ZNF138: variants seen among roughly 807,000 people sequenced by gnomAD.
ZNF138 encodes the protein zinc finger protein 138 (clone pHZ-32).
Under a neutral mutation model 33.0 loss-of-function variants are expected in ZNF138, and 33 were observed. The ratio of observed to expected loss-of-function variants is 1.00; its 90% CI spans 0.76 to 1.34. ZNF138 has a LOEUF of 1.34. Ranked by LOEUF, ZNF138 falls within the 40% of genes most tolerant of loss-of-function variation. ZNF138 has a pLI of 0.00. For missense variants in ZNF138, 360 were observed against 370.8 expected (o/e 0.97, Z 0.24); for synonymous variants, 139 against 120.4 (o/e 1.15, Z -1.01).
At chr7:64,813,436 AT>A (rs1005556520) in intron 1 of ZNF138, among the ~76,000 whole-genome samples, 35 of 25,354 alleles carry the variant, frequency 1.4e-3, no homozygotes, top group African/African-American at 4.0e-3. Flanking sequence ...CATAAAAATG[AT>A]TTTTTTTTTT....
At chr7:64,795,981 C>CCT (rs1412787842) in intron 1 of ZNF138, among the ~76,000 whole-genome samples, 1 of 152,074 alleles carries the variant, frequency 6.6e-6, no homozygotes, top group African/African-American at 2.4e-5. Flanking sequence ...AGGTGAATGC[C>CCT]CTGGGGCTGA....
At chr7:64,831,411 C>G (rs1289798536) in intron 3 of ZNF138, 40 bp from the exon 4 acceptor site, 1 of 1,467,824 alleles carries the variant, frequency 6.8e-7, no homozygotes. Flanking sequence ...TCATCTGAGT[C>G]TAGCAGGTGG....
At chr7:64,810,452 AGAGGGG>A (rs375218835) in intron 1 of ZNF138, among the ~76,000 whole-genome samples, 1 of 96,556 alleles carries the variant, frequency 1.0e-5, no homozygotes, top group Non-Finnish European at 2.0e-5. Context: ...AGGGAGAGGG[AGAGGGG>A]GAGGGGGAGA....
chr7:64,831,185 A>ATG (rs763947828), intron 3 of ZNF138: 7 of 1,416,398 alleles, frequency 4.9e-6, no homozygotes, highest in Non-Finnish European at 6.6e-6. Flanking sequence ...TGTTGGGTAA[A>ATG]TGTAACAGAC....
At chr7:64,838,973 G>A in the ZNF138 span, among the ~76,000 whole-genome samples, 36 of 152,198 alleles carry the variant, frequency 2.4e-4, no homozygotes, top group Admixed American at 7.8e-4. Context: ...TGGGGGCCGT[G>A]GACAAGATTA....
At chr7:64,820,438 G>A (rs1320055096) in intron 3 of ZNF138, among the ~76,000 whole-genome samples, 1 of 151,632 alleles carries the variant, frequency 6.6e-6, no homozygotes, top group Non-Finnish European at 1.5e-5. Flanking sequence ...GTAAGTCAAG[G>A]GACAGTTGCT....
the ZNF138 span, among the ~76,000 whole-genome samples, chr7:64,848,870 A>G: frequency 6.6e-6 from 1 of 151,720 alleles, no homozygotes; most frequent in African/African-American, 2.4e-5. Context: ...ACGCCAGGCT[A>G]ATTTTTTGTA....
At chr7:64,840,578 C>T in the ZNF138 span, among the ~76,000 whole-genome samples, 1 of 152,032 alleles carries the variant, frequency 6.6e-6, no homozygotes, top group African/African-American at 2.4e-5. Context: ...TTTTGGATTA[C>T]TAACCCATTC....
At chr7:64,843,779 T>G in the ZNF138 span, among the ~76,000 whole-genome samples, 1 of 152,276 alleles carries the variant, frequency 6.6e-6, no homozygotes, top group East Asian at 1.9e-4. Flanking sequence ...TAATCTGACT[T>G]ACCTATTTCT....
At chr7:64,811,212 A>G (rs931980808) in intron 1 of ZNF138, among the ~76,000 whole-genome samples, 3 of 152,208 alleles carry the variant, frequency 2.0e-5, no homozygotes, top group Admixed American at 2.0e-4. Flanking sequence ...TAAACACTTA[A>G]TACCAGCTCC....
In ZNF138 at chr7:64,833,629, G is replaced by C. The variant is rs562950834; in HGVS notation, c.*1427G>C. 1.3e-5 allele frequency: 2 copies of C among 152,642 alleles called. No homozygotes were observed. Among genetic ancestry groups the C allele is most frequent in the Non-Finnish European group, 2.9e-5 (2 of 68,364 alleles). The allele number at this position is 152,642 out of a possible 1,614,324, so 9.5% of individuals were successfully genotyped here. ...TGTGCTTACATCTTATTCAACATTAGAGAGTTAGTACTTAATAAAAGCATT... is the reference window on the plus strand; with the variant it reads ...TGTGCTTACATCTTATTCAACATTACAGAGTTAGTACTTAATAAAAGCATT... On this transcript the variant is annotated 3_prime_UTR_variant, in exon 4 of 4. Coordinates refer to ENST00000307355, the MANE Select transcript of ZNF138 (RefSeq NM_001271639.2).
intron 1 of ZNF138, among the ~76,000 whole-genome samples, chr7:64,801,463 T>C (rs1161928642): frequency 6.6e-6 from 1 of 152,168 alleles, no homozygotes. Flanking sequence ...CATGTACTTG[T>C]ATGGTTTCAA....
At chr7:64,825,189 T>C (rs1283093847) in intron 3 of ZNF138, among the ~76,000 whole-genome samples, 2 of 70,672 alleles carry the variant, frequency 2.8e-5, no homozygotes, top group Non-Finnish European at 5.5e-5. Context: ...TTTTTTTTTT[T>C]TGAGACGGAG....
At chr7:64,819,500 T>A (rs1359928530) in intron 3 of ZNF138, among the ~76,000 whole-genome samples, 1 of 151,970 alleles carries the variant, frequency 6.6e-6, no homozygotes, top group Non-Finnish European at 1.5e-5. Flanking sequence ...CCTCAGTGGC[T>A]AGGATTACAG....
At position 64,832,453 on chromosome 7, in the gene ZNF138, CAATCCTT is replaced by C. The variant is rs1790175555; in HGVS notation, c.*253_*259del. ...TGTGGAAAAGCTTTTCACCGATACT[CAATCCTT>C]AGTACACATAAGAAAATTCATACTG... is the stretch of plus-strand genomic sequence containing the variant. On this transcript the variant is annotated 3_prime_UTR_variant, in exon 4 of 4. Transcript: ENST00000307355. The C allele has an allele frequency of 7.9e-6, 11 of 1,388,720 alleles. No individual in the cohort carries two copies. In the South Asian group the frequency reaches 1.3e-4, roughly 16 times the overall value. The allele number at this position is 1,388,720 out of a possible 1,614,324, so 86.0% of individuals were successfully genotyped here.
chr7:64,840,284 G>T, the ZNF138 span, among the ~76,000 whole-genome samples: 3 of 152,100 alleles, frequency 2.0e-5, no homozygotes, highest in East Asian at 5.8e-4. Flanking sequence ...TTACTCAAGG[G>T]TGTAGGTCAA....
intron 1 of ZNF138, among the ~76,000 whole-genome samples, chr7:64,802,543 C>T (rs776576727): frequency 6.6e-5 from 10 of 151,572 alleles, no homozygotes; most frequent in Non-Finnish European, 1.2e-4. Flanking sequence ...TTTCTTGTCT[C>T]ATAATGTTAC....
chr7:64,827,529 AT>A (rs1789740164), intron 3 of ZNF138, among the ~76,000 whole-genome samples: 1 of 152,066 alleles, frequency 6.6e-6, no homozygotes, highest in Non-Finnish European at 1.5e-5. Flanking sequence ...ACCATGTAAC[AT>A]TTTTTTGTAG....
chr7:64,847,597 G>T, the ZNF138 span, among the ~76,000 whole-genome samples: 2 of 151,918 alleles, frequency 1.3e-5, no homozygotes, highest in African/African-American at 2.4e-5. Flanking sequence ...CTTTTATTAT[G>T]ATATAATGTC....
Sources: allele counts gnomAD v4.1 joint callset (sites outside exome capture counted in the v4.1 genomes callset), GRCh38; gene constraint gnomAD v4.1.1; transcripts MANE v1.5; gene names NCBI Gene and HGNC (gene_info 2026-07-23, HGNC 2026-07-21).